The following IFT57 variants were observed in gnomAD, a reference collection of about 807,000 sequenced individuals.
IFT57 encodes the protein intraflagellar transport protein 57 homolog.
IFT57 carries 59 observed loss-of-function variants against 56.8 expected under a neutral mutation model. That is an observed-to-expected ratio of 1.04 (90% CI 0.84 to 1.29). The LOEUF is 1.29. IFT57 is among the 50% of genes most tolerant of loss of function. The pLI, the probability that IFT57 is intolerant of heterozygous loss-of-function variation, is 0.00. For missense variants in IFT57, 470 were observed against 522.1 expected, an observed-to-expected ratio of 0.90 and a Z score of 0.97; for synonymous variants, 209 against 186.1, an observed-to-expected ratio of 1.12 and a Z score of -1.00.
chr3:108,162,789 T>C, intron 10 of IFT57, 134 bp from the exon 11 acceptor site: 1 of 643,732 alleles, frequency 1.6e-6, no homozygotes, highest in East Asian at 3.0e-5. Context: ...CTTACTGACA[T>C]TCACACAGTT....
intron 4 of IFT57, among the ~76,000 whole-genome samples, chr3:108,212,344 G>T (rs2108326585): frequency 6.6e-6 from 1 of 152,224 alleles, no homozygotes; most frequent in Non-Finnish European, 1.5e-5. Context: ...GAAGAGCTGG[G>T]ATTACAGGTA....
rs368869559 is a variant in IFT57 at position 108,183,631 on chromosome 3, G to C, written c.777+7890C>G. ...CATTTAAATTTTCCTACCTGCTTTT[G>C]AGTCTTTGCCAAACACACATGACGG... On this transcript the variant is annotated intron_variant, in intron 6 of 10. Coordinates refer to ENST00000264538, the MANE Select transcript of IFT57 (RefSeq NM_018010.4). Among the ~76,000 whole-genome samples, 33 of 152,148 alleles carry C rather than the reference G, an allele frequency of 2.2e-4. No homozygotes were observed. The East Asian group carries it at 2.5e-3, about 12-fold the overall frequency.
intron 5 of IFT57, among the ~76,000 whole-genome samples, chr3:108,205,715 G>A (rs1576046375): frequency 6.8e-6 from 1 of 146,262 alleles, no homozygotes; most frequent in Admixed American, 7.0e-5. Context: ...TGTACTTTTT[G>A]AGGGTACAAT....
chr3:108,162,518 G>A lies in IFT57; in HGVS notation c.1249C>T (p.His417Tyr), dbSNP rs768927703. The change falls in exon 11 of 11, where the codon CAT becomes TAT. Residue 417 changes from histidine to tyrosine, a missense_variant. His to Tyr is a moderately conservative substitution (Grantham distance 83, BLOSUM62 2). Transcript: ENST00000264538. ...KEKSNMTRNM[H>Y]ATVIPEPATG... The stretch of plus-strand genomic sequence containing the variant: ...GCTGGTTCTGGAATAACTGTGGCAT[G>A]CATGTTCCTAGTCATGTTGGACTTC... 5 of 1,610,234 alleles carry A rather than the reference G, an allele frequency of 3.1e-6. No individual in the cohort carries two copies. The highest frequency in any genetic ancestry group is 1.1e-5 in the South Asian group (1 of 90,504).
chr3:108,180,792 TGA>T (rs1424234663), intron 6 of IFT57, among the ~76,000 whole-genome samples: 1 of 152,030 alleles, frequency 6.6e-6, no homozygotes, highest in Non-Finnish European at 1.5e-5. Flanking sequence ...AAGGTCCATA[TGA>T]CAAAGGCTTT....
At chr3:108,194,590 T>A (rs2108318942) in intron 5 of IFT57, among the ~76,000 whole-genome samples, 1 of 152,276 alleles carries the variant, frequency 6.6e-6, no homozygotes, top group East Asian at 1.9e-4. Flanking sequence ...CTTCAAATTA[T>A]ACTACAAAGC....
At chr3:108,220,784 G>GT (rs1469164569) in intron 1 of IFT57, among the ~76,000 whole-genome samples, 1 of 152,190 alleles carries the variant, frequency 6.6e-6, no homozygotes, top group Non-Finnish European at 1.5e-5. Flanking sequence ...TTCATTTCTA[G>GT]TAAGTTCCCA....
At chr3:108,181,117 G>T (rs9828693) in intron 6 of IFT57, among the ~76,000 whole-genome samples, 2 of 151,878 alleles carry the variant, frequency 1.3e-5, no homozygotes, top group African/African-American at 4.8e-5. Context: ...TGTGATAAAC[G>T]GAACCTTTCT....
intron 5 of IFT57, among the ~76,000 whole-genome samples, chr3:108,202,255 G>A (rs886817569): frequency 4.6e-5 from 7 of 152,172 alleles, no homozygotes; most frequent in African/African-American, 1.7e-4. Context: ...AGTTTCACAA[G>A]GGTGAAGGGA....
chr3:108,192,187 A>G (rs2108317947), intron 5 of IFT57, among the ~76,000 whole-genome samples: 1 of 149,260 alleles, frequency 6.7e-6, no homozygotes, highest in East Asian at 2.0e-4. Context: ...AAAAAAAAAA[A>G]AAAAAAAAAG....
intron 9 of IFT57, 111 bp downstream of exon 9, chr3:108,165,320 T>C (rs2080055310): frequency 3.9e-6 from 3 of 775,720 alleles, no homozygotes; most frequent in South Asian, 1.6e-5. Flanking sequence ...AAGAAAATGA[T>C]TTAAAGGCAC....
chr3:108,167,648 G>T, intron 7 of IFT57, 145 bp downstream of exon 7: 1 of 347,008 alleles, frequency 2.9e-6, no homozygotes, highest in Non-Finnish European at 5.4e-6. Context: ...TAAATGTAAG[G>T]TCAGTTGAAA....
intron 6 of IFT57, among the ~76,000 whole-genome samples, chr3:108,173,766 C>CTG (rs59233165): frequency 0.039 from 4,920 of 124,592 alleles, 181 homozygotes; most frequent in East Asian, 0.22. Context: ...GTCAGGGACT[C>CTG]TGTGTGTGTG....
intron 4 of IFT57, among the ~76,000 whole-genome samples, chr3:108,207,580 A>T (rs1283519314): frequency 6.6e-6 from 1 of 152,234 alleles, no homozygotes; most frequent in African/African-American, 2.4e-5. Flanking sequence ...TTCCATATGT[A>T]GAACTATACA....
intron 6 of IFT57, among the ~76,000 whole-genome samples, chr3:108,184,639 A>G (rs62262413): frequency 0.092 from 13,932 of 152,194 alleles, 704 homozygotes; most frequent in Middle Eastern, 0.12. Context: ...GTATTAAATC[A>G]TAAGTGTATA....
intron 4 of IFT57, among the ~76,000 whole-genome samples, chr3:108,208,405 C>A (rs759077014): frequency 1.3e-5 from 2 of 152,184 alleles, no homozygotes; most frequent in Non-Finnish European, 2.9e-5. Context: ...TTTACAATAA[C>A]CTGATCAGTA....
At chr3:108,182,046 T>C (rs988042922) in intron 6 of IFT57, among the ~76,000 whole-genome samples, 1 of 152,076 alleles carries the variant, frequency 6.6e-6, no homozygotes. Context: ...TATATATTTT[T>C]GCTCATGGAT....
intron 6 of IFT57, among the ~76,000 whole-genome samples, chr3:108,170,109 C>T (rs946001099): frequency 3.9e-5 from 6 of 152,050 alleles, no homozygotes; most frequent in Non-Finnish European, 7.4e-5. Flanking sequence ...TGCCCTCTCA[C>T]CCCACTCCTA....
chr3:108,208,233 G>A (rs531440323), intron 4 of IFT57, among the ~76,000 whole-genome samples: 1 of 152,244 alleles, frequency 6.6e-6, no homozygotes, highest in East Asian at 1.9e-4. Context: ...AGACAAAAGT[G>A]ATCACTTTAT....
Sources: gnomAD v4.1 joint callset for allele counts (sites outside exome capture counted in the v4.1 genomes callset) on GRCh38, gnomAD v4.1.1 for gene constraint, MANE v1.5 for transcripts, NCBI Gene and HGNC (gene_info 2026-07-23, HGNC 2026-07-21) for gene names.